CACNG5: variants seen among roughly 807,000 people sequenced by gnomAD.
CACNG5 encodes the protein calcium voltage-gated channel auxiliary subunit gamma 5, also known as voltage-dependent calcium channel gamma-5 subunit.
A neutral mutation model predicts 24.8 loss-of-function variants in CACNG5; 18 were observed. That is an observed-to-expected ratio of 0.73 (90% CI 0.50 to 1.08). The LOEUF is 1.08. Among genes scored for constraint, CACNG5 ranks in the 50% least tolerant of loss-of-function variants. The pLI, the probability that CACNG5 is intolerant of heterozygous loss-of-function variation, is 0.00. For synonymous variants in CACNG5, 157 were observed against 149.1 expected, an observed-to-expected ratio of 1.05 and a Z score of -0.39; for missense variants, 349 against 367.9, an observed-to-expected ratio of 0.95 and a Z score of 0.42.
In CACNG5 at chr17:66,879,828, T is replaced by C. The variant is rs187970375; in HGVS notation, c.284-729T>C. ...CATTACATAGGCATGATTGATTACA[T>C]TATTGATCATGTGATTGAACTCACC... On this transcript the variant is annotated intron_variant, in intron 3 of 5. Transcript: ENST00000533854. Among the ~76,000 whole-genome samples, 13 of 152,272 alleles carry C rather than the reference T, an allele frequency of 8.5e-5. No individual in the cohort carries two copies. In the East Asian group the frequency reaches 2.3e-3, roughly 27 times the overall value.
intron 1 of CACNG5, among the ~76,000 whole-genome samples, chr17:66,872,454 C>T (rs1458332780): frequency 6.6e-6 from 1 of 152,112 alleles, no homozygotes; most frequent in African/African-American, 2.4e-5. Context: ...AGAATATGTA[C>T]ACACATGCAC....
chr17:66,873,518 C>G (rs1352583968), intron 1 of CACNG5, among the ~76,000 whole-genome samples: 2 of 152,178 alleles, frequency 1.3e-5, no homozygotes, highest in Non-Finnish European at 2.9e-5. Context: ...TTTCATCTCC[C>G]TGCCAAGCTT....
At chr17:66,873,081 A>G (rs1435867209) in intron 1 of CACNG5, among the ~76,000 whole-genome samples, 5 of 152,088 alleles carry the variant, frequency 3.3e-5, no homozygotes, top group African/African-American at 9.7e-5. Flanking sequence ...GCTACTCCAC[A>G]TCTCTAACCC....
At chr17:66,862,890 C>CTGTGTG (rs1568067061) in intron 1 of CACNG5, among the ~76,000 whole-genome samples, 3 of 85,106 alleles carry the variant, frequency 3.5e-5, no homozygotes, top group Admixed American at 2.6e-4. Flanking sequence ...CCAGCATATT[C>CTGTGTG]TCTGTGTGTG....
At chr17:66,870,416 G>A (rs759785335) in intron 1 of CACNG5, among the ~76,000 whole-genome samples, 9 of 152,128 alleles carry the variant, frequency 5.9e-5, no homozygotes, top group Non-Finnish European at 1.2e-4. Flanking sequence ...CCCCTCAAAG[G>A]GACAATTTTG....
intron 4 of CACNG5, 107 bp downstream of exon 4, chr17:66,880,804 C>T (rs3744297): frequency 0.061 from 76,557 of 1,257,908 alleles, 2,686 homozygotes; most frequent in Non-Finnish European, 0.069. Context: ...TGCAGTGGCA[C>T]GATCTTGGCT....
Position 66,877,285 on chromosome 17 carries a change from G to A in CACNG5, c.-48G>A, listed in dbSNP as rs777042661. ...TCTCCCTAGCCCCAGAGCGCAGTCC[G>A]TGCTGGTGGGAGCGTGGCGACTAGT... On this transcript the variant is annotated 5_prime_UTR_variant, in exon 2 of 6. It adds an upstream start codon to the 5' untranslated region. Coordinates refer to ENST00000533854, the MANE Select transcript of CACNG5 (RefSeq NM_145811.3). 15 of 1,540,674 alleles carry A rather than the reference G, an allele frequency of 9.7e-6. No individual in the cohort carries two copies. The highest frequency in any genetic ancestry group is 5.8e-5 in the South Asian group (5 of 86,244).
chr17:66,836,841 C>T (rs1254764995), intron 1 of CACNG5, among the ~76,000 whole-genome samples: 1 of 152,246 alleles, frequency 6.6e-6, no homozygotes, highest in Non-Finnish European at 1.5e-5. Context: ...TGGCTGGCTG[C>T]ACCCCAGGCC....
At chr17:66,880,810 T>G (rs1977149217) in intron 4 of CACNG5, 113 bp downstream of exon 4, 2 of 1,141,306 alleles carry the variant, frequency 1.8e-6, no homozygotes, top group African/African-American at 1.5e-5. Context: ...GGCACGATCT[T>G]GGCTCACTGC....
chr17:66,882,498 A>G (rs764420335), intron 4 of CACNG5, among the ~76,000 whole-genome samples: 1 of 152,176 alleles, frequency 6.6e-6, no homozygotes, highest in Non-Finnish European at 1.5e-5. Flanking sequence ...GAGATTACTC[A>G]TGGCTGGTGT....
rs771172491 is a variant in CACNG5, at chr17:66,884,648, T to G, written c.557T>G (p.Phe186Cys). 3.1e-6 allele frequency: 5 copies of G among 1,614,140 alleles called. No homozygotes were observed. The highest frequency in any genetic ancestry group is 4.2e-6 in the Non-Finnish European group (5 of 1,180,026). The change falls in exon 5 of 6, where the codon TTC becomes TGC. Residue 186 changes from phenylalanine (F) to cysteine (C), a missense_variant. Physicochemically the swap from Phe to Cys is radical, Grantham distance 205 (BLOSUM62 -2). Coordinates refer to ENST00000533854, the MANE Select transcript of CACNG5 (RefSeq NM_145811.3). ...GWSFAFAAIS[F>C]LLTESAGVMS... Reference sequence around the variant, plus strand: ...TCGTTTGCCTTCGCCGCCATCTCCTTCCTTTTAACGGAGGTAAAGCCCGTC... The same window carrying G: ...TCGTTTGCCTTCGCCGCCATCTCCTGCCTTTTAACGGAGGTAAAGCCCGTC...
chr17:66,873,815 T>C (rs539631804), intron 1 of CACNG5, among the ~76,000 whole-genome samples: 85 of 152,272 alleles, frequency 5.6e-4, no homozygotes, highest in African/African-American at 2.0e-3. Context: ...CTTTTTTTTT[T>C]CTTTGCTCAA....
At chr17:66,842,502 C>A (rs1811415270) in intron 1 of CACNG5, among the ~76,000 whole-genome samples, 1 of 152,172 alleles carries the variant, frequency 6.6e-6, no homozygotes, top group Non-Finnish European at 1.5e-5. Flanking sequence ...GGAAGTCAAG[C>A]CTGTAGGCTC....
At chr17:66,853,865 C>G (rs745678456) in intron 1 of CACNG5, among the ~76,000 whole-genome samples, 1 of 152,130 alleles carries the variant, frequency 6.6e-6, no homozygotes, top group Non-Finnish European at 1.5e-5. Context: ...GAATCATTCT[C>G]TTTCAAATTA....
chr17:66,884,195 T>C (rs566839879), intron 4 of CACNG5, among the ~76,000 whole-genome samples: 5 of 149,582 alleles, frequency 3.3e-5, no homozygotes, highest in African/African-American at 1.2e-4. Context: ...CCAGGCCAGG[T>C]GTATCAGAAT....
At chr17:66,879,949 C>T (rs1568072345) in intron 3 of CACNG5, among the ~76,000 whole-genome samples, 1 of 152,154 alleles carries the variant, frequency 6.6e-6, no homozygotes, top group Non-Finnish European at 1.5e-5. Flanking sequence ...AGCCCCCATC[C>T]TGAGTCACCT....
chr17:66,882,936 C>T (rs887075771), intron 4 of CACNG5, among the ~76,000 whole-genome samples: 2 of 117,830 alleles, frequency 1.7e-5, no homozygotes, highest in Non-Finnish European at 3.6e-5. Flanking sequence ...TTTCTTTCTC[C>T]TTCCATCCAT....
At chr17:66,866,411 A>G (rs2143087197) in intron 1 of CACNG5, among the ~76,000 whole-genome samples, 1 of 152,276 alleles carries the variant, frequency 6.6e-6, no homozygotes, top group South Asian at 2.1e-4. Context: ...CTGGGATTAG[A>G]GCACTCCACC....
At position 66,883,887 on chromosome 17, in the gene CACNG5, A is replaced by C. The variant is rs996459577; in HGVS notation, c.425-629A>C. Among the ~76,000 whole-genome samples the C allele has an allele frequency of 2.0e-5, 3 of 152,166 alleles. No individual in the cohort carries two copies. In the East Asian group the frequency reaches 5.8e-4, roughly 29 times the overall value. ...AGTGGCTCACACCTGTAATCCCAGCACTTTGGGAGGCCGAGGCTGGCGATC... is the reference window on the plus strand; with the variant it reads ...AGTGGCTCACACCTGTAATCCCAGCCCTTTGGGAGGCCGAGGCTGGCGATC... On this transcript the variant is annotated intron_variant, in intron 4 of 5. Transcript: ENST00000533854.
Sources: gnomAD v4.1 joint callset for allele counts (sites outside exome capture counted in the v4.1 genomes callset) on GRCh38, gnomAD v4.1.1 for gene constraint, MANE v1.5 for transcripts, NCBI Gene and HGNC (gene_info 2026-07-23, HGNC 2026-07-21) for gene names.